The following LEMD2 variants were observed in gnomAD, a reference collection of about 807,000 sequenced individuals.
LEMD2 encodes the protein LEM domain-containing protein 2.
A neutral mutation model predicts 58.8 loss-of-function variants in LEMD2; 34 were observed. That is an observed-to-expected ratio of 0.58 (90% CI 0.44 to 0.77). LEMD2 has a LOEUF of 0.77. Ranked by LOEUF, LEMD2 falls within the 30% of genes least tolerant of loss-of-function variation. The pLI, the probability that LEMD2 is intolerant of heterozygous loss-of-function variation, is 0.00. For missense variants in LEMD2, 629 were observed against 717.9 expected (o/e 0.88, Z 1.42); for synonymous variants, 298 against 308.9 (o/e 0.96, Z 0.37).
chr6:33,773,840 T>C (rs1395715183), intron 8 of LEMD2, among the ~76,000 whole-genome samples: 1 of 152,200 alleles, frequency 6.6e-6, no homozygotes, highest in South Asian at 2.1e-4. Context: ...GGCCCTCATC[T>C]ACAGGGCAGA....
chr6:33,784,579 G>A (rs1218002525), intron 2 of LEMD2, 152 bp from the exon 3 acceptor site: 2 of 608,776 alleles, frequency 3.3e-6, no homozygotes, highest in African/African-American at 1.8e-5. Flanking sequence ...GCCAAGTGCT[G>A]GGCCTAGGGA....
chr6:33,785,991 G>C (rs1009350154), intron 2 of LEMD2, among the ~76,000 whole-genome samples: 3 of 152,170 alleles, frequency 2.0e-5, no homozygotes, highest in African/African-American at 7.2e-5. Flanking sequence ...CCCAGCCCCT[G>C]GGCTACTAGA....
At chr6:33,781,761 C>A (rs1371989252) in intron 3 of LEMD2, 1 of 151,398 alleles carries the variant, frequency 6.6e-6, no homozygotes, top group Non-Finnish European at 1.5e-5. Context: ...GGCCATCTCC[C>A]CTGGGAAGCC....
At chr6:33,783,140 A>G (rs756886151) in intron 3 of LEMD2, among the ~76,000 whole-genome samples, 2 of 152,214 alleles carry the variant, frequency 1.3e-5, no homozygotes, top group Non-Finnish European at 2.9e-5. Context: ...CGTGATGCAG[A>G]TGCTATGGGT....
At chr6:33,779,835 C>A (rs1261262232) in intron 5 of LEMD2, 4 of 408,840 alleles carry the variant, frequency 9.8e-6, no homozygotes, top group Non-Finnish European at 1.3e-5. Flanking sequence ...GACTGAGTTA[C>A]CTGAGACAGG....
At chr6:33,776,250 C>T (rs1767427517) in intron 8 of LEMD2, among the ~76,000 whole-genome samples, 1 of 152,228 alleles carries the variant, frequency 6.6e-6, no homozygotes, top group Non-Finnish European at 1.5e-5. Context: ...TTGCAGGTAA[C>T]AGGTGTTTTT....
At chr6:33,780,453 C>A (rs1325626190) in intron 4 of LEMD2, among the ~76,000 whole-genome samples, 2 of 152,182 alleles carry the variant, frequency 1.3e-5, no homozygotes, top group Non-Finnish European at 2.9e-5. Context: ...AGGATGGAAG[C>A]ATCAGGCCAG....
rs1166979946 is a variant in LEMD2 at position 33,780,093 on chromosome 6, C to A, written c.1010+7G>T. ...CCATGCTGCGTCGCCACCCTGCCCA[C>A]ACTCACCAGATGCCCACGTCCTTGT... On this transcript the variant is annotated splice_region_variant and intron_variant, in intron 5 of 8. Coordinates refer to ENST00000293760, the MANE Select transcript of LEMD2 (RefSeq NM_181336.4). 1 of 1,583,844 alleles carries A rather than the reference C, an allele frequency of 6.3e-7. No homozygotes were observed. Among genetic ancestry groups the A allele is most frequent in the Non-Finnish European group, 8.6e-7 (1 of 1,163,380 alleles).
Position 33,788,639 on chromosome 6 carries a change from G to C in LEMD2, c.478C>G (p.Arg160Gly). 7.8e-7 allele frequency: 1 copy of C among 1,274,256 alleles called. No homozygotes were observed. The highest frequency in any genetic ancestry group is 3.0e-4 in the Middle Eastern group (1 of 3,364). 78.9% of individuals were successfully genotyped at this position (1,274,256 alleles called of 1,614,324 possible). ...GCGGGAGACGCTGCCCACCAGCGGC[G>C]GGCCGCGAGACCCGGGCCCTGCGTG... is the stretch of plus-strand genomic sequence containing the variant. Reference protein sequence around the residue: ...RATQGPGLAARRWWAASPAPA... With the variant: ...RATQGPGLAAGRWWAASPAPA... The change falls in exon 1 of 9, where the codon CGC becomes GGC. Residue 160 changes from arginine to glycine, a missense_variant. Transcript: ENST00000293760.
chr6:33,788,298 G>A, intron 1 of LEMD2, 83 bp downstream of exon 1: 1 of 1,359,468 alleles, frequency 7.4e-7, no homozygotes, highest in Non-Finnish European at 9.7e-7. Context: ...GGAAGTGCGC[G>A]GCCTGGCGCC....
In LEMD2 at chr6:33,778,210, C is replaced by T. The variant is rs768658364; in HGVS notation, c.1156+32G>A. ...ATGCCTAGGAGTATGCTTGACTGCA[C>T]AGAAGGGGAGGGAAGGCGGCCGAGG... On this transcript the variant is annotated intron_variant, in intron 6 of 8. Coordinates refer to ENST00000293760, the MANE Select transcript of LEMD2 (RefSeq NM_181336.4). This position sits in a 1 kb window ranked among gnomAD's most constrained non-coding sequence, Gnocchi z 4.7. 19 of 1,552,204 alleles carry T rather than the reference C, an allele frequency of 1.2e-5. No homozygotes were observed. In the Admixed American group the frequency reaches 2.8e-4, roughly 23 times the overall value.
chr6:33,780,241 CT>C, intron 4 of LEMD2, 62 bp from the exon 5 acceptor site: 1 of 1,399,944 alleles, frequency 7.1e-7, no homozygotes, highest in South Asian at 1.2e-5. Flanking sequence ...GAACATTATT[CT>C]GCTGCTGGAT....
chr6:33,785,969 G>C (rs187358876), intron 2 of LEMD2, among the ~76,000 whole-genome samples: 7 of 152,328 alleles, frequency 4.6e-5, no homozygotes, highest in African/African-American at 7.2e-5. Context: ...AGGACCATGC[G>C]TCATTTTCTT....
At chr6:33,782,035 T>C (rs1260054175) in intron 3 of LEMD2, 3 of 152,086 alleles carry the variant, frequency 2.0e-5, no homozygotes, top group Admixed American at 6.5e-5. Flanking sequence ...TTTAAAACTT[T>C]GAAACTGAAC....
Position 33,778,263 on chromosome 6 carries a change from T to A in LEMD2, c.1135A>T (p.Asn379Tyr). The A allele has an allele frequency of 6.2e-7, 1 of 1,602,838 alleles. No homozygotes were observed. The highest frequency in any genetic ancestry group is 8.5e-7 in the Non-Finnish European group (1 of 1,174,184). ...TTACACCAGAAGAAGATGAGCACGT[T>A]GGTGACAGCAGTGAGCAAGGCCCGG... ...LSRALLTAVT[N>Y]VLIFFWCLAF... The change falls in exon 6 of 9, where the codon AAC becomes TAC. Residue 379 changes from asparagine to tyrosine, a missense_variant. Physicochemically the swap from Asn to Tyr is moderately radical, Grantham distance 143. This residue lies in a region of LEMD2 where 243 missense variants were observed against 336.8 expected (regional missense o/e 0.72). Coordinates refer to ENST00000293760, the MANE Select transcript of LEMD2 (RefSeq NM_181336.4). This position sits in a 1 kb window ranked among gnomAD's most constrained non-coding sequence, Gnocchi z 4.7.
At chr6:33,773,294 C>A (rs1476535055) in intron 8 of LEMD2, among the ~76,000 whole-genome samples, 1 of 152,164 alleles carries the variant, frequency 6.6e-6, no homozygotes, top group Non-Finnish European at 1.5e-5. Flanking sequence ...AACGGAGGGC[C>A]CCTTCAGTGG....
chr6:33,788,257 GAGA>G (rs983818354), intron 1 of LEMD2, 121 bp downstream of exon 1: 2 of 1,016,416 alleles, frequency 2.0e-6, no homozygotes, highest in African/African-American at 3.4e-5. Context: ...GCCTGGAAAT[GAGA>G]AGACAGTCAG....
rs10947436 is a variant in LEMD2 at position 33,772,183 on chromosome 6, A to G, written c.*445T>C. The G allele has an allele frequency of 0.81, 128,400 of 157,580 alleles. 52,621 individuals are homozygous for G. The highest frequency in any genetic ancestry group is 0.98 in the East Asian group (5,149 of 5,260). The allele number at this position is 157,580 out of a possible 1,614,324, so 9.8% of individuals were successfully genotyped here. On this transcript the variant is annotated 3_prime_UTR_variant, in exon 9 of 9. Coordinates refer to ENST00000293760, the MANE Select transcript of LEMD2 (RefSeq NM_181336.4). ...TTCTCCCTTCACCCTGGAGCTCTCA[A>G]GTAACAACCCCCTGAAGGCACATGG...
Position 33,788,489 on chromosome 6 carries a change from G to A in LEMD2, c.628C>T (p.Leu210Phe). ...CTGGCCCAGAGCAGAAGCCGAGAGA[G>A]CCAGCGCTCCAGCCGGCGCCCCACC... Reference protein sequence around the residue: ...PEVGRRLERWLSRLLLWASLG... With the variant: ...PEVGRRLERWFSRLLLWASLG... Residue 210 changes from leucine to phenylalanine, a missense_variant, in exon 1 of 9, where the codon CTC becomes TTC. Transcript: ENST00000293760. The A allele has an allele frequency of 6.5e-7, 1 of 1,549,226 alleles. No homozygotes were observed. Among genetic ancestry groups the A allele is most frequent in the South Asian group, 1.2e-5 (1 of 84,284 alleles).
Sources: gnomAD v4.1 joint callset for allele counts (sites outside exome capture counted in the v4.1 genomes callset) on GRCh38, gnomAD v4.1.1 for gene constraint, gnomAD v4.1.1 regional missense constraint, Gnocchi (gnomAD v3.1) non-coding constraint, MANE v1.5 for transcripts, NCBI Gene and HGNC (gene_info 2026-07-23, HGNC 2026-07-21) for gene names.